Variants in CCP110 observed in about 807,000 individuals in gnomAD.
The protein encoded by CCP110 is centriolar coiled-coil protein of 110 kDa.
In CCP110, 43 loss-of-function variants were observed where a neutral mutation model predicts 105.5. The observed-to-expected ratio is 0.41, with a 90% CI of 0.32 to 0.53. The LOEUF is 0.53. CCP110 is among the 20% of genes least tolerant of loss of function. The pLI is 0.32. For synonymous variants in CCP110, 353 were observed against 392.1 expected (o/e 0.90, Z 1.18); for missense variants, 1,016 against 1,189.1 (o/e 0.85, Z 2.14).
At chr16:19,529,467 T>C (rs1203985287) in intron 2 of CCP110, among the ~76,000 whole-genome samples, 3 of 152,232 alleles carry the variant, frequency 2.0e-5, no homozygotes, top group Non-Finnish European at 4.4e-5. Context: ...GTTGAAAGGA[T>C]AGTGCAGTGA....
intron 12 of CCP110, 198 bp from the exon 13 acceptor site, chr16:19,547,757 T>G (rs1970510965): frequency 1.9e-6 from 1 of 521,676 alleles, no homozygotes; most frequent in Non-Finnish European, 3.4e-6. Flanking sequence ...AACCTAAGGT[T>G]TGGACTCTTA....
At chr16:19,547,241 TTAA>T (rs1157205155) in intron 12 of CCP110, 1 of 152,002 alleles carries the variant, frequency 6.6e-6, no homozygotes, top group Non-Finnish European at 1.5e-5. Flanking sequence ...CCTGTCTCTA[TTAA>T]AAATACAAAA....
chr16:19,548,536 G>T lies in CCP110; in HGVS notation c.2922G>T (p.Lys974Asn). The T allele has an allele frequency of 6.5e-7, 1 of 1,548,402 alleles. No individual in the cohort carries two copies. Among genetic ancestry groups the T allele is most frequent in the South Asian group, 1.2e-5 (1 of 83,938 alleles). ...TTAGAACCCCTAAGACATCAGTGAA[G>T]GGGGTTGTGCAAAATAGACAGAAGC... Residue 974 changes from lysine (K) to asparagine (N), a missense_variant, in exon 14 of 15, where the codon AAG (lysine) becomes AAT (asparagine). Transcript: ENST00000381396. This position sits in a 1 kb window ranked among gnomAD's most constrained non-coding sequence, Gnocchi z 4.1.
intron 2 of CCP110, among the ~76,000 whole-genome samples, chr16:19,528,299 T>G (rs1969745158): frequency 6.6e-6 from 1 of 152,362 alleles, no homozygotes; most frequent in South Asian, 2.1e-4. Context: ...TGGTAGAATT[T>G]AAAAGCATAC....
exon 4 of CCP110, chr16:19,537,562 T>A (rs199903716): frequency 6.5e-5 from 102 of 1,578,182 alleles, no homozygotes; most frequent in Non-Finnish European, 2.6e-6. Context: ...TTAACAAGAA[T>A]AAAATGTTAG....
exon 6 of CCP110, chr16:19,542,055 A>G: frequency 6.4e-7 from 1 of 1,570,132 alleles, no homozygotes; most frequent in Non-Finnish European, 8.6e-7. Flanking sequence ...TTCAAATTCA[A>G]ATAGTTCTGG....
intron 1 of CCP110, chr16:19,525,027 G>A (rs2151456700): frequency 6.6e-6 from 1 of 152,332 alleles, no homozygotes; most frequent in East Asian, 1.9e-4. Flanking sequence ...CAGGTGTGGG[G>A]ATGGTAACTG....
rs1296645713 is a variant in CCP110, at chr16:19,546,481, A to G, written c.2840+7A>G. 1.4e-5 allele frequency: 21 copies of G among 1,546,008 alleles called. No homozygotes were observed. Among genetic ancestry groups the G allele is most frequent in the Non-Finnish European group, 1.9e-5 (21 of 1,120,364 alleles). ...AAAATCCTTCTGAAACAAGGTGAGA[A>G]AAATCACTTAGTCTTAATGAGAGGC... On this transcript the variant is annotated splice_region_variant and intron_variant, in intron 12 of 14. Transcript: ENST00000381396.
At chr16:19,535,245 G>A (rs188920626) in intron 3 of CCP110, among the ~76,000 whole-genome samples, 95 of 151,920 alleles carry the variant, frequency 6.3e-4, no homozygotes, top group Admixed American at 1.7e-3. Flanking sequence ...TTTAATATAC[G>A]GATGTATAAT....
chr16:19,527,945 A>G, exon 2 of CCP110: 1 of 1,613,720 alleles, frequency 6.2e-7, no homozygotes, highest in Middle Eastern at 1.7e-4. Context: ...ATCACTATCC[A>G]CAGAGAGCTT....
At chr16:19,545,175 C>A in exon 10 of CCP110, 2 of 1,608,164 alleles carry the variant, frequency 1.2e-6, no homozygotes, top group South Asian at 1.1e-5. Flanking sequence ...ACATCATGAT[C>A]GAGAAGTTCG....
chr16:19,552,123 A>G (rs1970659394), exon 15 of CCP110: 1 of 152,198 alleles, frequency 6.6e-6, no homozygotes, highest in South Asian at 2.1e-4. Context: ...GAGAGAATAA[A>G]GGGCTATATA....
intron 5 of CCP110, 138 bp downstream of exon 5, chr16:19,540,925 G>A: frequency 1.9e-6 from 1 of 522,180 alleles, no homozygotes; most frequent in South Asian, 4.2e-5. Flanking sequence ...ATACGTGAAT[G>A]GTATTTTTTG....
exon 4 of CCP110, chr16:19,536,503 C>T (rs755440203): frequency 1.2e-6 from 2 of 1,613,896 alleles, no homozygotes; most frequent in Admixed American, 1.7e-5. Context: ...AAGAGAAAGG[C>T]CAGTTGACAG....
At position 19,537,335 on chromosome 16, in the gene CCP110, C is replaced by T. The variant is rs1188923194; in HGVS notation, c.1666C>T (p.Gln556Ter). 1 of 1,613,852 alleles carries T rather than the reference C, an allele frequency of 6.2e-7. No individual in the cohort carries two copies. Among genetic ancestry groups the T allele is most frequent in the African/African-American group, 1.3e-5 (1 of 74,916 alleles). The change falls in exon 4 of 15, where the codon CAA (glutamine) becomes TAA (stop). Residue 556 changes from glutamine to a stop codon, truncating the protein, a stop_gained. Transcript: ENST00000381396. LOFTEE classifies it high-confidence loss of function. ...AAAAAACCCTTCTCCTTTATTGATGCAAAACCAGAATACGAGACAGCAGAT... is the reference window on the plus strand; with the variant it reads ...AAAAAACCCTTCTCCTTTATTGATGTAAAACCAGAATACGAGACAGCAGAT...
intron 11 of CCP110, chr16:19,546,162 C>T: frequency 1.9e-6 from 1 of 521,440 alleles, no homozygotes; most frequent in African/African-American, 1.9e-5. Flanking sequence ...TATTCAGTGC[C>T]TAAATATATT....
intron 12 of CCP110, chr16:19,546,989 C>T (rs997884244): frequency 6.5e-6 from 1 of 153,374 alleles, no homozygotes; most frequent in African/African-American, 2.4e-5. Context: ...ACATGTCAGA[C>T]CAGATGTGCC....
chr16:19,544,820 T>A (rs1970406338), exon 9 of CCP110: 1 of 1,587,944 alleles, frequency 6.3e-7, no homozygotes, highest in Non-Finnish European at 8.6e-7. Flanking sequence ...TCATAAGAAG[T>A]TTTCAGTCAG....
At chr16:19,539,124 T>A (rs12932250) in intron 4 of CCP110, among the ~76,000 whole-genome samples, 20,642 of 110,606 alleles carry the variant, frequency 0.19, 1,503 homozygotes, top group East Asian at 0.33. Flanking sequence ...AAAAAAAAAA[T>A]AATAATAATA....
Sources: allele counts gnomAD v4.1 joint callset (sites outside exome capture counted in the v4.1 genomes callset), GRCh38; gene constraint gnomAD v4.1.1; non-coding constraint Gnocchi (gnomAD v3.1); transcripts MANE v1.5; gene names NCBI Gene and HGNC (gene_info 2026-07-23, HGNC 2026-07-21).